Variants in EYS observed in about 807,000 individuals in gnomAD.
EYS encodes EGF-like photoreceptor maintenance factor.
A neutral mutation model predicts 282.1 loss-of-function variants in EYS; 250 were observed. The ratio of observed to expected loss-of-function variants is 0.89; its 90% CI spans 0.80 to 0.98. The LOEUF is 0.98. Among genes scored for constraint, EYS ranks in the 50% least tolerant of loss-of-function variants. The pLI, the probability that EYS is intolerant of heterozygous loss-of-function variation, is 0.00. For synonymous variants in EYS, 1,355 were observed against 1,282.9 expected (o/e 1.06, Z -1.20); for missense variants, 4,016 against 3,709.0 (o/e 1.08, Z -2.15).
At chr6:64,439,755 TGA>T (rs2150466794) in intron 26 of EYS, among the ~76,000 whole-genome samples, 1 of 151,980 alleles carries the variant, frequency 6.6e-6, no homozygotes, top group African/African-American at 2.4e-5. Context: ...TAGAGATTAT[TGA>T]GAGGCATAGA....
intron 31 of EYS, among the ~76,000 whole-genome samples, chr6:64,199,168 ATC>A (rs1765387657): frequency 1.3e-5 from 2 of 152,216 alleles, no homozygotes; most frequent in African/African-American, 4.8e-5. Flanking sequence ...GCATCACGCT[ATC>A]TGACTTCAAA....
At chr6:64,024,984 G>T (rs998856494) in intron 33 of EYS, among the ~76,000 whole-genome samples, 2 of 152,190 alleles carry the variant, frequency 1.3e-5, no homozygotes, top group South Asian at 4.1e-4. Flanking sequence ...TCGCCCAGTG[G>T]TATGACAATC....
intron 22 of EYS, among the ~76,000 whole-genome samples, chr6:64,707,526 G>T (rs564144801): frequency 6.6e-6 from 1 of 151,938 alleles, no homozygotes; most frequent in African/African-American, 2.4e-5. Flanking sequence ...AAAATTAGCC[G>T]GGCGTGGTGG....
chr6:65,379,922 A>T (rs1369195963), intron 8 of EYS, among the ~76,000 whole-genome samples: 1 of 151,978 alleles, frequency 6.6e-6, no homozygotes, highest in Admixed American at 6.6e-5. Flanking sequence ...GATGTGAAGG[A>T]CCTCTTCAAG....
intron 5 of EYS, among the ~76,000 whole-genome samples, chr6:65,425,556 T>C (rs1767626777): frequency 6.6e-6 from 1 of 152,116 alleles, no homozygotes; most frequent in African/African-American, 2.4e-5. Context: ...TTAACTTCAA[T>C]AATATCTATG....
intron 35 of EYS, among the ~76,000 whole-genome samples, chr6:63,892,239 C>T (rs1773426940): frequency 2.6e-5 from 4 of 152,172 alleles, no homozygotes; most frequent in South Asian, 2.1e-4. Flanking sequence ...CTTTAAATTT[C>T]ATATGGAACC....
chr6:65,102,809 G>T (rs1167542015), intron 12 of EYS, among the ~76,000 whole-genome samples: 2 of 151,160 alleles, frequency 1.3e-5, no homozygotes, highest in Non-Finnish European at 3.0e-5. Flanking sequence ...GTGTTACAAA[G>T]ATATAGTTTA....
At chr6:64,780,078 G>C (rs1020743362) in intron 22 of EYS, among the ~76,000 whole-genome samples, 6 of 152,096 alleles carry the variant, frequency 3.9e-5, no homozygotes, top group Non-Finnish European at 7.4e-5. Flanking sequence ...TTTGAACATA[G>C]AGACTAGAGA....
intron 22 of EYS, among the ~76,000 whole-genome samples, chr6:64,694,970 G>C (rs146187382): frequency 1.8e-4 from 28 of 152,206 alleles, no homozygotes; most frequent in African/African-American, 6.7e-4. Context: ...ACTACCACCT[G>C]CTAGTCTCTG....
At chr6:65,198,513 C>A (rs193270796) in intron 12 of EYS, among the ~76,000 whole-genome samples, 29 of 151,832 alleles carry the variant, frequency 1.9e-4, no homozygotes, top group Admixed American at 4.6e-4. Context: ...TTTTTTTACA[C>A]CTGCATCACC....
intron 13 of EYS, among the ~76,000 whole-genome samples, chr6:65,034,363 G>A (rs1772700836): frequency 6.6e-6 from 1 of 152,088 alleles, no homozygotes; most frequent in African/African-American, 2.4e-5. Flanking sequence ...ATTTGCGAGG[G>A]GCCAGTGGTA....
intron 19 of EYS, among the ~76,000 whole-genome samples, chr6:64,828,464 T>C (rs149004783): frequency 9.2e-4 from 140 of 152,092 alleles, no homozygotes; most frequent in Non-Finnish European, 1.0e-3. Context: ...ATTAAAGATA[T>C]ATGTAGTGGA....
intron 33 of EYS, among the ~76,000 whole-genome samples, chr6:64,024,367 T>C (rs1183346531): frequency 6.6e-6 from 1 of 152,118 alleles, no homozygotes; most frequent in Non-Finnish European, 1.5e-5. Flanking sequence ...ACTCTGTATC[T>C]AGCTAATCTG....
intron 19 of EYS, among the ~76,000 whole-genome samples, chr6:64,835,963 G>A (rs372797688): frequency 9.2e-5 from 14 of 151,414 alleles, no homozygotes; most frequent in African/African-American, 3.4e-4. Flanking sequence ...ACTTCTTTTG[G>A]GCTAATGGTC....
chr6:65,018,132 T>C (rs960968858), intron 13 of EYS, among the ~76,000 whole-genome samples: 5 of 152,184 alleles, frequency 3.3e-5, no homozygotes, highest in Non-Finnish European at 7.3e-5. Context: ...ACACACTGCA[T>C]TCTCACAGAT....
chr6:63,886,022 G>T (rs192857583), intron 35 of EYS, among the ~76,000 whole-genome samples: 13 of 152,222 alleles, frequency 8.5e-5, no homozygotes, highest in African/African-American at 2.6e-4. Context: ...TTATGGTATG[G>T]CTTCAAGACC....
intron 11 of EYS, among the ~76,000 whole-genome samples, chr6:65,315,355 T>G (rs141908879): frequency 0.018 from 2,705 of 152,302 alleles, 75 homozygotes; most frequent in Non-Finnish European, 0.021. Flanking sequence ...ATTCAATGAA[T>G]TGTCCTTGGA....
intron 1 of EYS, among the ~76,000 whole-genome samples, chr6:65,692,715 C>G (rs186889609): frequency 2.7e-5 from 4 of 149,682 alleles, no homozygotes. Flanking sequence ...TATTTATAAA[C>G]ATGTAGAACT....
intron 35 of EYS, among the ~76,000 whole-genome samples, chr6:63,954,257 C>T (rs1378082501): frequency 6.6e-6 from 1 of 152,166 alleles, no homozygotes; most frequent in Non-Finnish European, 1.5e-5. Flanking sequence ...TCCACCAGGC[C>T]TAATCACCAC....
Sources: allele counts gnomAD v4.1 joint callset (sites outside exome capture counted in the v4.1 genomes callset), GRCh38; gene constraint gnomAD v4.1.1; transcripts MANE v1.5; gene names NCBI Gene and HGNC (gene_info 2026-07-23, HGNC 2026-07-21).